Variants in PLEKHG1 observed in about 807,000 individuals in gnomAD.
PLEKHG1 encodes the protein pleckstrin homology and RhoGEF domain containing G1, also known as pleckstrin homology domain-containing family G member 1.
PLEKHG1 carries 44 observed loss-of-function variants against 100.8 expected under a neutral mutation model. That is an observed-to-expected ratio of 0.44 (90% CI 0.34 to 0.56). The LOEUF is 0.56. Ranked by LOEUF, PLEKHG1 falls within the 20% of genes least tolerant of loss-of-function variation. The probability of loss-of-function intolerance (pLI) is 0.01; values close to 1 mark genes in which losing one functional copy is unlikely to be tolerated. For missense variants in PLEKHG1, 1,545 were observed against 1,720.9 expected (o/e 0.90, Z 1.81); for synonymous variants, 640 against 662.5 (o/e 0.97, Z 0.52).
At chr6:150,805,675 A>G (rs779440369) in intron 7 of PLEKHG1, among the ~76,000 whole-genome samples, 18 of 151,832 alleles carry the variant, frequency 1.2e-4, no homozygotes, top group Non-Finnish European at 2.5e-4. Context: ...TTACAGGGGC[A>G]TACCACCACG....
chr6:150,763,581 G>T (rs928224768), intron 2 of PLEKHG1, among the ~76,000 whole-genome samples: 2 of 152,128 alleles, frequency 1.3e-5, no homozygotes, highest in African/African-American at 2.4e-5. Flanking sequence ...CCAGTCCAGG[G>T]GGTACCAAAC....
At position 150,734,065 on chromosome 6, in the gene PLEKHG1, T is replaced by C. The variant is rs61738742; in HGVS notation, c.384T>C (p.Tyr128=). ...AAATTCTGGAAACCGAAAGGACTTA[T>C]GTACAAGATTTAAAAAGCATCGTAG... Residue 128 remains tyrosine (Y), a synonymous_variant, in exon 2 of 16, where the codon TAT becomes TAC. Transcript: ENST00000358517. 2.7e-3 allele frequency: 4,358 copies of C among 1,612,336 alleles called. 100 individuals are homozygous for C. In the African/African-American group the frequency reaches 0.05, roughly 19 times the overall value.
chr6:150,605,010 G>T (rs1423388718), intron 1 of PLEKHG1, among the ~76,000 whole-genome samples: 4 of 152,180 alleles, frequency 2.6e-5, no homozygotes, highest in African/African-American at 7.2e-5. Flanking sequence ...CTCACCAGTG[G>T]TGGGGTCGTT....
chr6:150,788,088 G>A (rs567346298), intron 4 of PLEKHG1, among the ~76,000 whole-genome samples: 7 of 152,216 alleles, frequency 4.6e-5, no homozygotes, highest in South Asian at 2.1e-4. Flanking sequence ...ATGTTCCAGC[G>A]TATGCTTAGC....
rs151290840 is a variant in PLEKHG1 at position 150,610,631 on chromosome 6, A to G, written c.-204+10614A>G. On this transcript the variant is annotated intron_variant, in intron 1 of 3. Transcript: ENST00000367326. ...AATAGGAAAGAAGAGGAAGGAAAAAAAAGAGCAGGAAAAGGAAGGAAAGCA... is the reference window on the plus strand; with the variant it reads ...AATAGGAAAGAAGAGGAAGGAAAAAGAAGAGCAGGAAAAGGAAGGAAAGCA... Among the ~76,000 whole-genome samples the G allele has an allele frequency of 3.1e-3, 479 of 152,386 alleles. 3 individuals are homozygous for G. The highest frequency in any genetic ancestry group is 5.5e-3 in the Non-Finnish European group (371 of 68,038).
chr6:150,779,503 A>C (rs1433214362), intron 3 of PLEKHG1, among the ~76,000 whole-genome samples: 2 of 151,356 alleles, frequency 1.3e-5, no homozygotes, highest in African/African-American at 4.9e-5. Context: ...CTGCCACCAC[A>C]CTCAGCTAAT....
At chr6:150,689,949 CA>C (rs1441788108) in intron 3 of PLEKHG1, among the ~76,000 whole-genome samples, 1 of 151,678 alleles carries the variant, frequency 6.6e-6, no homozygotes, top group Non-Finnish European at 1.5e-5. Context: ...TTTCTTTTGA[CA>C]TTAAAATTTA....
At chr6:150,797,285 G>C (rs998640541) in intron 5 of PLEKHG1, among the ~76,000 whole-genome samples, 10 of 152,270 alleles carry the variant, frequency 6.6e-5, no homozygotes, top group African/African-American at 2.4e-4. Flanking sequence ...AGCACGCTGA[G>C]CCCTGAGTGT....
At position 150,809,474 on chromosome 6, in the gene PLEKHG1, C is replaced by T; in HGVS notation, c.1189C>T (p.Gln397Ter). ...GAATCCCAAGCTGCAGCACACAGTC[C>T]AGGTAGCAGCCGGGCCCTGGCCTCT... The change falls in exon 9 of 16, where the codon CAG becomes TAG. Residue 397 changes from glutamine to a stop codon, truncating the protein, a stop_gained and splice_region_variant. Coordinates refer to ENST00000358517, the Ensembl canonical transcript of PLEKHG1. LOFTEE classifies it high-confidence loss of function. 1 of 1,612,548 alleles carries T rather than the reference C, an allele frequency of 6.2e-7. No homozygotes were observed. Among genetic ancestry groups the T allele is most frequent in the Non-Finnish European group, 8.5e-7 (1 of 1,178,844 alleles).
intron 3 of PLEKHG1, among the ~76,000 whole-genome samples, chr6:150,703,147 A>T (rs1310867936): frequency 6.6e-6 from 1 of 150,972 alleles, no homozygotes; most frequent in Non-Finnish European, 1.5e-5. Flanking sequence ...TTTTAGCCTC[A>T]TAATAAAGAA....
At chr6:150,634,237 T>C (rs1582851149) in intron 1 of PLEKHG1, among the ~76,000 whole-genome samples, 1 of 111,288 alleles carries the variant, frequency 9.0e-6, no homozygotes. Context: ...AGAGCAAAAC[T>C]CGATCTCCCC....
chr6:150,725,213 C>G (rs1781901041), intron 1 of PLEKHG1, among the ~76,000 whole-genome samples: 1 of 152,072 alleles, frequency 6.6e-6, no homozygotes, highest in Non-Finnish European at 1.5e-5. Flanking sequence ...AAACAAGCTC[C>G]CTCTGTCCTC....
intron 3 of PLEKHG1, among the ~76,000 whole-genome samples, chr6:150,658,057 T>C (rs2128578433): frequency 6.6e-6 from 1 of 152,336 alleles, no homozygotes; most frequent in Non-Finnish European, 1.5e-5. Flanking sequence ...TACATTCATG[T>C]TGACTGAGCT....
chr6:150,779,566 A>C (rs1456752622), intron 3 of PLEKHG1, among the ~76,000 whole-genome samples: 3 of 151,664 alleles, frequency 2.0e-5, no homozygotes, highest in Non-Finnish European at 4.4e-5. Context: ...GGTTGGTCTC[A>C]AACTCCTGAC....
intron 3 of PLEKHG1, among the ~76,000 whole-genome samples, chr6:150,668,346 G>C (rs369000803): frequency 6.6e-6 from 1 of 152,286 alleles, no homozygotes; most frequent in East Asian, 1.9e-4. Flanking sequence ...TCAACTCCCT[G>C]TAGTCCAGTT....
At chr6:150,666,108 C>G (rs1408861367) in intron 3 of PLEKHG1, among the ~76,000 whole-genome samples, 1 of 152,214 alleles carries the variant, frequency 6.6e-6, no homozygotes, top group Non-Finnish European at 1.5e-5. Context: ...TATGTGGTTT[C>G]TTCTGAGTCC....
In PLEKHG1 at chr6:150,721,247, C is replaced by T. The variant is rs1181778848; in HGVS notation, c.-99+47C>T. The T allele has an allele frequency of 3.0e-5, 26 of 855,246 alleles. No individual in the cohort carries two copies. In the South Asian group the frequency reaches 1.2e-3, roughly 39 times the overall value. The allele number at this position is 855,246 out of a possible 1,614,324, so 53.0% of individuals were successfully genotyped here. A position where few individuals can be genotyped will look rare whatever the true frequency, so the allele number is the denominator to read the frequency against. On this transcript the variant is annotated intron_variant, in intron 1 of 15. Transcript: ENST00000358517. ...CCCAAAGAAAGGATGCAGGAACAAA[C>T]GCTCCTTCCCTCTGGGAGCAGCCAG...
At chr6:150,672,323 G>A (rs1302392450) in intron 3 of PLEKHG1, among the ~76,000 whole-genome samples, 2 of 152,148 alleles carry the variant, frequency 1.3e-5, no homozygotes, top group Non-Finnish European at 2.9e-5. Context: ...ATAAATTAAT[G>A]CTATGAGGTG....
At chr6:150,686,284 G>A (rs575446336) in intron 3 of PLEKHG1, among the ~76,000 whole-genome samples, 1 of 152,174 alleles carries the variant, frequency 6.6e-6, no homozygotes, top group Non-Finnish European at 1.5e-5. Flanking sequence ...ACCAACTTTC[G>A]TCATTCTCAA....
Sources: gnomAD v4.1 joint callset for allele counts (sites outside exome capture counted in the v4.1 genomes callset) on GRCh38, gnomAD v4.1.1 for gene constraint, MANE v1.5 for transcripts, NCBI Gene and HGNC (gene_info 2026-07-23, HGNC 2026-07-21) for gene names.